Variants in ATP1B1 observed in about 807,000 individuals in gnomAD.
The protein encoded by ATP1B1 is ATPase Na+/K+ transporting subunit beta 1, also known as sodium/potassium-transporting ATPase subunit beta-1.
A neutral mutation model predicts 39.6 loss-of-function variants in ATP1B1; 3 were observed. That is an observed-to-expected ratio of 0.08 (90% CI 0.03 to 0.20). The LOEUF (loss-of-function observed/expected upper bound fraction) is 0.20, where lower values mean the gene tolerates loss of function less well. Ranked by LOEUF, ATP1B1 falls within the 10% of genes least tolerant of loss-of-function variation. ATP1B1 has a pLI of 1.00. For synonymous variants in ATP1B1, 139 were observed against 135.0 expected (o/e 1.03, Z -0.20); for missense variants, 216 against 371.1 (o/e 0.58, Z 3.43).
intron 2 of ATP1B1, among the ~76,000 whole-genome samples, chr1:169,115,343 CT>C (rs1266277050): frequency 7.0e-6 from 1 of 143,202 alleles, no homozygotes; most frequent in African/African-American, 2.7e-5. Context: ...CTGTTTTTTT[CT>C]TTTTTTCTTT....
At chr1:169,117,450 T>C (rs1044998892) in intron 2 of ATP1B1, among the ~76,000 whole-genome samples, 1 of 152,178 alleles carries the variant, frequency 6.6e-6, no homozygotes, top group South Asian at 2.1e-4. Context: ...TGATTTACTT[T>C]AAAATGTTCT....
At chr1:169,122,413 C>G (rs576261979) in intron 2 of ATP1B1, among the ~76,000 whole-genome samples, 2 of 152,350 alleles carry the variant, frequency 1.3e-5, no homozygotes, top group South Asian at 4.1e-4. Context: ...ATTGCTGTCT[C>G]AAGCATTAAC....
intron 2 of ATP1B1, among the ~76,000 whole-genome samples, chr1:169,123,575 A>ATCTC (rs1315031887): frequency 0.03 from 1,845 of 60,608 alleles, 47 homozygotes; most frequent in African/African-American, 0.066. Context: ...GTTAAACTAT[A>ATCTC]TCTCTCTCTC....
At chr1:169,109,233 CATTT>C (rs1300779965) in intron 1 of ATP1B1, among the ~76,000 whole-genome samples, 1 of 152,118 alleles carries the variant, frequency 6.6e-6, no homozygotes, top group African/African-American at 2.4e-5. Context: ...TTTGTTTGTT[CATTT>C]GTTTGTTTTT....
intron 1 of ATP1B1, among the ~76,000 whole-genome samples, chr1:169,109,460 C>T (rs1200103557): frequency 6.6e-6 from 1 of 152,046 alleles, no homozygotes; most frequent in Admixed American, 6.5e-5. Context: ...TCCACTCTCT[C>T]CCAGTGACCT....
chr1:169,126,673 C>T (rs550399538), intron 3 of ATP1B1, among the ~76,000 whole-genome samples: 3 of 152,138 alleles, frequency 2.0e-5, no homozygotes, highest in Admixed American at 6.5e-5. Flanking sequence ...ATCATGCTGC[C>T]GCACTCCAAC....
chr1:169,114,079 G>A (rs986736033), intron 2 of ATP1B1, among the ~76,000 whole-genome samples: 2 of 143,384 alleles, frequency 1.4e-5, no homozygotes, highest in South Asian at 2.3e-4. Flanking sequence ...GCAGAGTGCC[G>A]GCTGCCACAA....
intron 2 of ATP1B1, 121 bp downstream of exon 2, chr1:169,111,619 G>A: frequency 7.3e-7 from 1 of 1,379,170 alleles, no homozygotes; most frequent in Non-Finnish European, 9.7e-7. Flanking sequence ...CCATGAAAAG[G>A]GAAAAGAGAA....
At chr1:169,107,075 G>GCCTGGGCTTGCAGT in intron 1 of ATP1B1, 149 bp downstream of exon 1, 2 of 699,542 alleles carry the variant, frequency 2.9e-6, no homozygotes, top group South Asian at 4.3e-5. Flanking sequence ...GGTCGCGCCG[G>GCCTGGGCTTGCAGT]CCTGGGCTTG....
chr1:169,131,209 T>C lies in ATP1B1; in HGVS notation c.649-83T>C. On this transcript the variant is annotated intron_variant, in intron 5 of 5. Transcript: ENST00000367815. This position sits in a 1 kb window ranked among gnomAD's most constrained non-coding sequence, Gnocchi z 4.4. ...CCTCTCTCAGTAGTTTGCAAACTAC[T>C]GTGTAGATTGAGTCTTGTTTTTGAG... 1 of 1,523,756 alleles carries C rather than the reference T, an allele frequency of 6.6e-7. No individual in the cohort carries two copies. The highest frequency in any genetic ancestry group is 8.9e-7 in the Non-Finnish European group (1 of 1,121,306). 94.4% of individuals were successfully genotyped at this position (1,523,756 alleles called of 1,614,324 possible). A position where few individuals can be genotyped will look rare whatever the true frequency, so the allele number is the denominator to read the frequency against.
At chr1:169,125,757 T>A (rs529048418) in intron 3 of ATP1B1, among the ~76,000 whole-genome samples, 2 of 152,242 alleles carry the variant, frequency 1.3e-5, no homozygotes, top group African/African-American at 4.8e-5. Context: ...GAGGATTGCT[T>A]GAGCCTAGGA....
chr1:169,118,758 A>G (rs1268653699), intron 2 of ATP1B1, among the ~76,000 whole-genome samples: 2 of 152,154 alleles, frequency 1.3e-5, no homozygotes, highest in Admixed American at 6.5e-5. Flanking sequence ...CTCGGAATGT[A>G]TAGGAGACAC....
chr1:169,108,910 C>CA, intron 1 of ATP1B1, among the ~76,000 whole-genome samples: 1 of 152,340 alleles, frequency 6.6e-6, no homozygotes, highest in Middle Eastern at 3.4e-3. Context: ...TAAAAACTGT[C>CA]AGAGCCTCTC....
In ATP1B1 at chr1:169,130,075, T is replaced by C. The variant is rs1222778402; in HGVS notation, c.633T>C (p.Val211=). Residue 211 remains valine (V), a synonymous_variant, in exon 5 of 6, where the codon GTT becomes GTC. Coordinates refer to ENST00000367815, the MANE Select transcript of ATP1B1 (RefSeq NM_001677.4). The part of the protein sequence containing the change: ...VMKYNPNVLP[V]QCTGKRDEDK... ...AGTATAACCCAAATGTCCTTCCCGT[T>C]CAGTGCACTGGCAAGGTAAAGACAA... 3 of 1,613,984 alleles carry C rather than the reference T, an allele frequency of 1.9e-6. No individual in the cohort carries two copies. The Admixed American group carries it at 5.0e-5, about 27-fold the overall frequency.
intron 2 of ATP1B1, among the ~76,000 whole-genome samples, chr1:169,122,482 C>T (rs1289238527): frequency 6.6e-6 from 1 of 152,174 alleles, no homozygotes; most frequent in Non-Finnish European, 1.5e-5. Flanking sequence ...CTTTACAATA[C>T]TGCTGTTTTG....
In ATP1B1 at chr1:169,110,567, C is replaced by CTTTTTTTTT. The variant is rs11423213; in HGVS notation, c.98-792_98-784dup. 157 of 434,690 alleles carry CTTTTTTTTT rather than the reference C, an allele frequency of 3.6e-4. 2 individuals are homozygous for CTTTTTTTTT. The highest frequency in any genetic ancestry group is 1.2e-3 in the East Asian group (10 of 8,324). 26.9% of individuals were successfully genotyped at this position (434,690 alleles called of 1,614,324 possible). On this transcript the variant is annotated intron_variant, in intron 1 of 5. Coordinates refer to ENST00000367815, the MANE Select transcript of ATP1B1 (RefSeq NM_001677.4). ...CCTCATTCCCATCTATGTGTTGAGTCTTTTTTTTTTTTTTTTTTTGCTTTT... is the reference window on the plus strand; with the variant it reads ...CCTCATTCCCATCTATGTGTTGAGTCTTTTTTTTTTTTTTTTTTTTTTTTTTTTGCTTTT...
At chr1:169,130,648 G>A (rs1204573351) in intron 5 of ATP1B1, among the ~76,000 whole-genome samples, 3 of 151,936 alleles carry the variant, frequency 2.0e-5, no homozygotes, top group Non-Finnish European at 2.9e-5. Flanking sequence ...TTAGCTGGGC[G>A]TGGCGGCGCG....
At chr1:169,121,950 T>C (rs1178557469) in intron 2 of ATP1B1, among the ~76,000 whole-genome samples, 2 of 152,082 alleles carry the variant, frequency 1.3e-5, no homozygotes, top group African/African-American at 4.8e-5. Context: ...TCAGATGAGA[T>C]CCCTCCTTGG....
In ATP1B1 at chr1:169,116,712, G is replaced by C. The variant is rs529302739; in HGVS notation, c.226+5214G>C. ...CTAAAAATACAAAACTTAGCTAGGC[G>C]TGATGGCAGGCACCTCTAATCCCAG... is the stretch of plus-strand genomic sequence containing the variant. On this transcript the variant is annotated intron_variant, in intron 2 of 5. Transcript: ENST00000367815. Among the ~76,000 whole-genome samples, 4 of 152,098 alleles carry C rather than the reference G, an allele frequency of 2.6e-5. No individual in the cohort carries two copies. The East Asian group carries it at 7.7e-4, about 29-fold the overall frequency.
Sources: gnomAD v4.1 joint callset for allele counts (sites outside exome capture counted in the v4.1 genomes callset) on GRCh38, gnomAD v4.1.1 for gene constraint, Gnocchi (gnomAD v3.1) non-coding constraint, MANE v1.5 for transcripts, NCBI Gene and HGNC (gene_info 2026-07-23, HGNC 2026-07-21) for gene names.